CPNE8: variants seen among roughly 807,000 people sequenced by gnomAD.
The protein encoded by CPNE8 is copine-8.
Under a neutral mutation model 81.5 loss-of-function variants are expected in CPNE8, and 45 were observed. That is an observed-to-expected ratio of 0.55 (90% CI 0.44 to 0.71). CPNE8 has a LOEUF of 0.71. Among genes scored for constraint, CPNE8 ranks in the 30% least tolerant of loss-of-function variants. The pLI is 0.00. For synonymous variants in CPNE8, 252 were observed against 226.3 expected (o/e 1.11, Z -1.02); for missense variants, 594 against 672.1 (o/e 0.88, Z 1.28).
intron 1 of CPNE8, among the ~76,000 whole-genome samples, chr12:38,890,739 C>T (rs1363297180): frequency 6.6e-6 from 1 of 151,992 alleles, no homozygotes; most frequent in African/African-American, 2.4e-5. Flanking sequence ...CATATTTTTC[C>T]CCAAGACAAA....
chr12:38,896,257 CT>C (rs965997341), intron 1 of CPNE8, among the ~76,000 whole-genome samples: 1 of 152,054 alleles, frequency 6.6e-6, no homozygotes, highest in Non-Finnish European at 1.5e-5. Context: ...CTCAGAAGGT[CT>C]GCAACATTAT....
intron 5 of CPNE8, among the ~76,000 whole-genome samples, chr12:38,833,810 G>A (rs1943338617): frequency 6.6e-6 from 1 of 152,122 alleles, no homozygotes; most frequent in Non-Finnish European, 1.5e-5. Flanking sequence ...AGGATAACAT[G>A]AAGAGCTCTT....
chr12:38,760,787 A>G, intron 10 of CPNE8, 60 bp downstream of exon 10: 1 of 1,282,090 alleles, frequency 7.8e-7, no homozygotes. Context: ...TGGTCATTTC[A>G]ATGTATGTGC....
At chr12:38,793,278 T>C (rs1942372459) in intron 6 of CPNE8, among the ~76,000 whole-genome samples, 1 of 150,870 alleles carries the variant, frequency 6.6e-6, no homozygotes, top group Non-Finnish European at 1.5e-5. Context: ...AGAAATAAAA[T>C]TATCTCTGTT....
intron 10 of CPNE8, among the ~76,000 whole-genome samples, chr12:38,743,459 T>C (rs1050057543): frequency 6.6e-6 from 1 of 152,120 alleles, no homozygotes; most frequent in African/African-American, 2.4e-5. Flanking sequence ...CCAAAATATT[T>C]TAAAAGATCT....
rs1938719784 is a variant in CPNE8 at position 38,652,418 on chromosome 12, C to T, written c.*1464G>A. The T allele has an allele frequency of 6.6e-6, 1 of 152,466 alleles. No individual in the cohort carries two copies. Among genetic ancestry groups the T allele is most frequent in the African/African-American group, 2.4e-5 (1 of 41,418 alleles). 9.4% of individuals were successfully genotyped at this position (152,466 alleles called of 1,614,324 possible). ...CAACAATTATTACATAGTTATATAA[C>T]ATTGATACTGTTAGATATGTGGATG... On this transcript the variant is annotated 3_prime_UTR_variant, in exon 20 of 20. Transcript: ENST00000331366.
intron 10 of CPNE8, among the ~76,000 whole-genome samples, chr12:38,757,892 T>A (rs1039877038): frequency 6.6e-6 from 1 of 152,198 alleles, no homozygotes; most frequent in East Asian, 1.9e-4. Context: ...TTTCAGTCTT[T>A]AACTCCCTAG....
intron 13 of CPNE8, among the ~76,000 whole-genome samples, chr12:38,717,602 G>T (rs1940438137): frequency 2.6e-5 from 4 of 151,542 alleles, no homozygotes; most frequent in Admixed American, 1.3e-4. Context: ...TACGCAGAAG[G>T]TAAGCTATGG....
At chr12:38,879,594 C>G (rs1481861835) in intron 1 of CPNE8, among the ~76,000 whole-genome samples, 1 of 151,846 alleles carries the variant, frequency 6.6e-6, no homozygotes, top group Non-Finnish European at 1.5e-5. Flanking sequence ...TGAGTTAATC[C>G]TAAAGTTGCA....
intron 6 of CPNE8, among the ~76,000 whole-genome samples, chr12:38,790,018 C>T (rs139303917): frequency 9.4e-4 from 143 of 151,824 alleles, no homozygotes; most frequent in African/African-American, 3.3e-3. Context: ...AGTACAATCA[C>T]TACGGAGAAC....
chr12:38,658,843 A>T (rs990361311), intron 19 of CPNE8, among the ~76,000 whole-genome samples: 3 of 152,206 alleles, frequency 2.0e-5, no homozygotes, highest in Admixed American at 2.0e-4. Context: ...ACAGGCAAGC[A>T]CATGCTGAGA....
At chr12:38,806,214 A>T (rs1043652417) in intron 6 of CPNE8, among the ~76,000 whole-genome samples, 1 of 150,326 alleles carries the variant, frequency 6.7e-6, no homozygotes, top group Admixed American at 6.6e-5. Flanking sequence ...AACTATTCCA[A>T]TCAATAGAAA....
At chr12:38,897,695 A>T (rs898827972) in intron 1 of CPNE8, among the ~76,000 whole-genome samples, 24 of 151,468 alleles carry the variant, frequency 1.6e-4, no homozygotes, top group African/African-American at 5.6e-4. Flanking sequence ...ATTAATATAC[A>T]CAGAGAGAAT....
At chr12:38,831,181 A>G (rs534918520) in intron 5 of CPNE8, among the ~76,000 whole-genome samples, 105 of 152,274 alleles carry the variant, frequency 6.9e-4, no homozygotes, top group African/African-American at 2.3e-3. Context: ...ACAGAGTTAC[A>G]GGCCAGAGAA....
chr12:38,816,511 C>CTTTT (rs1394563843), intron 6 of CPNE8, among the ~76,000 whole-genome samples: 9 of 152,074 alleles, frequency 5.9e-5, no homozygotes, highest in African/African-American at 2.2e-4. Context: ...ACAGGAGCAA[C>CTTTT]TATTGAAGGT....
chr12:38,840,182 A>G (rs566997796), intron 4 of CPNE8, among the ~76,000 whole-genome samples: 3 of 152,266 alleles, frequency 2.0e-5, no homozygotes, highest in East Asian at 3.9e-4. Flanking sequence ...ACAAGCCTTA[A>G]TATTTTCTCA....
chr12:38,677,505 C>T lies in CPNE8; in HGVS notation c.1321G>A (p.Val441Ile), dbSNP rs941991335. 1 of 1,612,538 alleles carries T rather than the reference C, an allele frequency of 6.2e-7. No homozygotes were observed. The highest frequency in any genetic ancestry group is 2.2e-5 in the East Asian group (1 of 44,800). The change falls in exon 17 of 20, where the codon GTT (valine) becomes ATT (isoleucine). Residue 441 changes from valine (V) to isoleucine (I), a missense_variant. Transcript: ENST00000331366. Reference protein sequence around the residue: ...DGSQYFVLLIVTDGVISDMAQ... With the variant: ...DGSQYFVLLIITDGVISDMAQ... ...ATATCTGAGATAACACCATCTGTAA[C>T]AATCAGAAGCACAAAATACTGGGAG...
chr12:38,763,450 G>C (rs896086560), intron 8 of CPNE8, among the ~76,000 whole-genome samples: 1 of 152,144 alleles, frequency 6.6e-6, no homozygotes, highest in Non-Finnish European at 1.5e-5. Context: ...AGCCCCAAGG[G>C]CCCATTTAAG....
At chr12:38,705,701 C>T (rs544468674) in intron 13 of CPNE8, among the ~76,000 whole-genome samples, 1 of 152,162 alleles carries the variant, frequency 6.6e-6, no homozygotes, top group African/African-American at 2.4e-5. Flanking sequence ...AGAGAAATGA[C>T]TGTGATACAT....
Sources: gnomAD v4.1 joint callset for allele counts (sites outside exome capture counted in the v4.1 genomes callset) on GRCh38, gnomAD v4.1.1 for gene constraint, MANE v1.5 for transcripts, NCBI Gene and HGNC (gene_info 2026-07-23, HGNC 2026-07-21) for gene names.